The following ZNF398 variants were observed in gnomAD, a reference collection of about 807,000 sequenced individuals.
ZNF398 encodes zinc finger DNA binding protein ZER6.
A neutral mutation model predicts 41.9 loss-of-function variants in ZNF398; 18 were observed. The observed-to-expected ratio is 0.43, with a 90% CI of 0.30 to 0.64. ZNF398 has a LOEUF of 0.64. ZNF398 is among the 30% of genes least tolerant of loss of function. ZNF398 has a pLI of 0.14. For missense variants in ZNF398, 669 were observed against 822.8 expected (o/e 0.81, Z 2.29); for synonymous variants, 260 against 308.8 (o/e 0.84, Z 1.66).
Position 149,179,565 on chromosome 7 carries a change from C to T in ZNF398, c.1693C>T (p.Arg565Trp), listed in dbSNP as rs765341309. The change falls in exon 6 of 6, where the codon CGG (arginine) becomes TGG (tryptophan). Residue 565 changes from arginine (R) to tryptophan (W), a missense_variant. By Grantham distance (101) the Arg-to-Trp change is moderately radical. Coordinates refer to ENST00000475153, the MANE Select transcript of ZNF398 (RefSeq NM_170686.3). This position sits in a 1 kb window ranked among gnomAD's most constrained non-coding sequence, Gnocchi z 6.1. ...MKHQRIHTGE[R>W]PYPCSYCGRS... is the part of the protein sequence containing the mutation. ...ACACCAGCGCATCCACACCGGGGAG[C>T]GGCCCTACCCCTGCTCCTACTGTGG... 7.4e-6 allele frequency: 12 copies of T among 1,614,068 alleles called. No individual in the cohort carries two copies. The highest frequency in any genetic ancestry group is 5.0e-5 in the Admixed American group (3 of 60,002).
At chr7:149,155,707 A>ATTTTTTTTTTTTTTTTTTTTTTT (rs1359986695) in intron 2 of ZNF398, among the ~76,000 whole-genome samples, 1 of 73,578 alleles carries the variant, frequency 1.4e-5, no homozygotes, top group Non-Finnish European at 2.4e-5. Flanking sequence ...ATATATATAT[A>ATTTTTTTTTTTTTTTTTTTTTTT]TTTTTTTTTT....
rs936945514 is a variant in ZNF398, at chr7:149,181,369, A to G, written c.*1568A>G. ...TCCTGAGGTAGAAGACAGAATGCAG[A>G]AGTCTTACATCTTGGGCAGGAAACT... is the stretch of plus-strand genomic sequence containing the variant. On this transcript the variant is annotated 3_prime_UTR_variant, in exon 6 of 6. Transcript: ENST00000475153. 3.9e-5 allele frequency: 6 copies of G among 152,210 alleles called. No individual in the cohort carries two copies. Among genetic ancestry groups the G allele is most frequent in the African/African-American group, 1.4e-4 (6 of 41,462 alleles). The allele number at this position is 152,210 out of a possible 1,614,324, so 9.4% of individuals were successfully genotyped here. A position where few individuals can be genotyped will look rare whatever the true frequency, so the allele number is the denominator to read the frequency against.
intron 2 of ZNF398, among the ~76,000 whole-genome samples, chr7:149,165,463 G>A (rs1214741387): frequency 6.6e-6 from 1 of 152,220 alleles, no homozygotes; most frequent in African/African-American, 2.4e-5. Flanking sequence ...GAGATGGCAG[G>A]ACAAGGTGTA....
chr7:149,153,532 T>G (rs1794905064), intron 1 of ZNF398, among the ~76,000 whole-genome samples: 1 of 152,202 alleles, frequency 6.6e-6, no homozygotes, highest in African/African-American at 2.4e-5. Context: ...GGTTGTAGTT[T>G]GTAAACAGGG....
intron 2 of ZNF398, among the ~76,000 whole-genome samples, chr7:149,134,254 T>TG (rs1826666832): frequency 6.6e-6 from 1 of 151,732 alleles, no homozygotes; most frequent in African/African-American, 2.4e-5. Flanking sequence ...TTTGTTTTTT[T>TG]TGGATTTTTA....
intron 5 of ZNF398, 109 bp from the exon 6 acceptor site, chr7:149,178,539 G>A: frequency 1.1e-6 from 1 of 891,568 alleles, no homozygotes; most frequent in South Asian, 1.7e-5. Flanking sequence ...GCCTTCTGCT[G>A]TATTTCTGAT....
intron 2 of ZNF398, among the ~76,000 whole-genome samples, chr7:149,138,159 C>T (rs994729961): frequency 2.0e-5 from 3 of 150,528 alleles, no homozygotes; most frequent in Non-Finnish European, 2.9e-5. Context: ...TGAGATCAGG[C>T]CATTGCACTC....
intron 2 of ZNF398, among the ~76,000 whole-genome samples, chr7:149,163,958 A>C (rs1315551120): frequency 2.0e-5 from 3 of 152,120 alleles, no homozygotes. Flanking sequence ...CTAAAAATAC[A>C]AAAATGAGCC....
At position 149,147,984 on chromosome 7, in the gene ZNF398, C is replaced by T. The variant is rs1827000675; in HGVS notation, c.24+218C>T. The T allele has an allele frequency of 2.3e-6, 1 of 432,678 alleles. No homozygotes were observed. The highest frequency in any genetic ancestry group is 3.7e-5 in the East Asian group (1 of 26,992). The allele number at this position is 432,678 out of a possible 1,614,324, so 26.8% of individuals were successfully genotyped here. ...GGGGACACCAGGCTGGGCCGCAGGT[C>T]TGAGGGGCACTCGCAGGCAGCTATG... On this transcript the variant is annotated intron_variant, in intron 1 of 5. Transcript: ENST00000475153. This position sits in a 1 kb window ranked among gnomAD's most constrained non-coding sequence, Gnocchi z 5.6.
At chr7:149,178,520 A>G (rs1795517915) in intron 5 of ZNF398, 128 bp from the exon 6 acceptor site, 2 of 737,888 alleles carry the variant, frequency 2.7e-6, no homozygotes, top group Admixed American at 2.4e-5. Context: ...TGTCTCGGTT[A>G]TTATTGCAGC....
Position 149,147,753 on chromosome 7 carries a change from C to T in ZNF398, c.11C>T (p.Ala4Val). Residue 4 changes from alanine to valine, a missense_variant, in exon 1 of 6, where the codon GCG (alanine) becomes GTG (valine). Transcript: ENST00000475153. This position sits in a 1 kb window ranked among gnomAD's most constrained non-coding sequence, Gnocchi z 5.6. ...AGACAGCGCAGGGCCATGGCTGAGG[C>T]GGCCCCGGCCCCGGTAAGGGCGGCC... MAE[A>V]APAPTSEWDS... 7.3e-7 allele frequency: 1 copy of T among 1,378,832 alleles called. No homozygotes were observed. The highest frequency in any genetic ancestry group is 9.4e-7 in the Non-Finnish European group (1 of 1,065,176). The allele number at this position is 1,378,832 out of a possible 1,614,324, so 85.4% of individuals were successfully genotyped here. A position where few individuals can be genotyped will look rare whatever the true frequency, so the allele number is the denominator to read the frequency against.
chr7:149,133,999 C>T (rs1324973350), intron 2 of ZNF398, among the ~76,000 whole-genome samples: 1 of 150,986 alleles, frequency 6.6e-6, no homozygotes, highest in Admixed American at 6.6e-5. Context: ...GATCTGCCCG[C>T]CTTGGCTTCC....
In ZNF398 at chr7:149,176,460, C is replaced by T. The variant is rs767321655; in HGVS notation, c.662-8C>T. The T allele has an allele frequency of 2.4e-5, 38 of 1,606,626 alleles. No homozygotes were observed. The highest frequency in any genetic ancestry group is 3.3e-4 in the Middle Eastern group (2 of 6,066). ...TGAAGGCCATTTTTTTTTCCTCCCA[C>T]AAATTAGAGCCTGGTATTTCAACAT... On this transcript the variant is annotated splice_region_variant and splice_polypyrimidine_tract_variant and intron_variant, in intron 4 of 5. Transcript: ENST00000475153.
chr7:149,126,459 C>CA, exon 1 of ZNF398: 1 of 620,894 alleles, frequency 1.6e-6, no homozygotes, highest in Non-Finnish European at 2.6e-6. Context: ...GTGCGGGCCG[C>CA]AGCACGCCGG....
chr7:149,127,843 A>AC (rs34961850), intron 1 of ZNF398, among the ~76,000 whole-genome samples: 7,925 of 152,226 alleles, frequency 0.052, 209 homozygotes, highest in Middle Eastern at 0.071. Context: ...GCCCTGTCCC[A>AC]CCCTGAAACT....
intron 2 of ZNF398, among the ~76,000 whole-genome samples, chr7:149,132,103 G>T (rs1826606565): frequency 2.0e-5 from 3 of 151,890 alleles, no homozygotes; most frequent in East Asian, 1.9e-4. Flanking sequence ...TGATCAAAAG[G>T]TCTACTTATT....
chr7:149,163,827 C>T (rs549650287), intron 2 of ZNF398, among the ~76,000 whole-genome samples: 52 of 152,242 alleles, frequency 3.4e-4, no homozygotes, highest in African/African-American at 1.2e-3. Context: ...CCTGACCAGG[C>T]TGGGAGTGGT....
At chr7:149,134,790 G>C (rs1374358255) in intron 2 of ZNF398, among the ~76,000 whole-genome samples, 3 of 152,106 alleles carry the variant, frequency 2.0e-5, no homozygotes, top group African/African-American at 7.2e-5. Context: ...GAATGCAGTG[G>C]CGCAATCTTG....
At chr7:149,126,419 G>T in exon 1 of ZNF398, 1 of 979,384 alleles carries the variant, frequency 1.0e-6, no homozygotes, top group Non-Finnish European at 1.4e-6. Flanking sequence ...GAGGGAGTCG[G>T]TCCTCAGAGG....
Sources: allele counts gnomAD v4.1 joint callset (sites outside exome capture counted in the v4.1 genomes callset), GRCh38; gene constraint gnomAD v4.1.1; non-coding constraint Gnocchi (gnomAD v3.1); transcripts MANE v1.5; gene names NCBI Gene and HGNC (gene_info 2026-07-23, HGNC 2026-07-21).